Variants in PXDNL observed in about 807,000 individuals in gnomAD.
The protein encoded by PXDNL is probable oxidoreductase PXDNL.
A neutral mutation model predicts 150.8 loss-of-function variants in PXDNL; 145 were observed. The observed-to-expected ratio is 0.96, with a 90% CI of 0.84 to 1.10. The LOEUF is 1.10. Among genes scored for constraint, PXDNL ranks in the 50% least tolerant of loss-of-function variants. The pLI is 0.00. For synonymous variants in PXDNL, 757 were observed against 725.7 expected (o/e 1.04, Z -0.69); for missense variants, 2,087 against 1,873.9 (o/e 1.11, Z -2.10).
chr8:51,551,180 G>A (rs968478750), intron 4 of PXDNL, among the ~76,000 whole-genome samples: 2 of 152,170 alleles, frequency 1.3e-5, no homozygotes, highest in East Asian at 1.9e-4. Flanking sequence ...AATCATAGAT[G>A]ACACAAACAA....
chr8:51,408,130 A>T lies in PXDNL; in HGVS notation c.3494T>A (p.Val1165Asp). Residue 1165 changes from valine (V) to aspartate (D), a missense_variant, in exon 17 of 23, where the codon GTT becomes GAT. Val to Asp is a radical substitution (Grantham distance 152, BLOSUM62 -3). Transcript: ENST00000356297. ...ATTTTGAAGATCCTCAAAGTTCTTA[A>T]CTGAAGTCAAATTACAGAAAACTCT... Reference protein sequence around the residue: ...DFRVFCNLTSVKNFEDLQNEI... With the variant: ...DFRVFCNLTSDKNFEDLQNEI... 2 of 1,613,200 alleles carry T rather than the reference A, an allele frequency of 1.2e-6. No homozygotes were observed. Among genetic ancestry groups the T allele is most frequent in the Non-Finnish European group, 1.7e-6 (2 of 1,179,620 alleles).
At chr8:51,777,259 G>A (rs1563318295) in intron 1 of PXDNL, among the ~76,000 whole-genome samples, 1 of 152,138 alleles carries the variant, frequency 6.6e-6, no homozygotes. Context: ...CTCTAAGCCT[G>A]CTTCCACATC....
At chr8:51,746,289 C>T (rs1260619085) in intron 1 of PXDNL, among the ~76,000 whole-genome samples, 4 of 152,192 alleles carry the variant, frequency 2.6e-5, no homozygotes, top group African/African-American at 9.7e-5. Flanking sequence ...CAGGACTTCT[C>T]AATCTCTCCA....
chr8:51,725,945 C>T (rs539966529), intron 1 of PXDNL, among the ~76,000 whole-genome samples: 2 of 152,318 alleles, frequency 1.3e-5, no homozygotes, highest in South Asian at 4.1e-4. Flanking sequence ...ACATTGGCCT[C>T]TATGTTTTGG....
chr8:51,393,435 C>T, intron 17 of PXDNL, among the ~76,000 whole-genome samples: 1 of 152,192 alleles, frequency 6.6e-6, no homozygotes, highest in East Asian at 1.9e-4. Flanking sequence ...ACGTGTAACA[C>T]CATGGTCTGA....
intron 4 of PXDNL, among the ~76,000 whole-genome samples, chr8:51,518,110 T>C (rs964709734): frequency 1.1e-4 from 16 of 152,358 alleles, no homozygotes; most frequent in African/African-American, 3.8e-4. Context: ...GTTTTTATCA[T>C]AGACTTGTTT....
At chr8:51,759,471 T>C (rs867601694) in intron 1 of PXDNL, among the ~76,000 whole-genome samples, 2 of 152,120 alleles carry the variant, frequency 1.3e-5, no homozygotes, top group Admixed American at 6.5e-5. Context: ...ATGTCCCCGA[T>C]TTGAGTGTGA....
intron 3 of PXDNL, among the ~76,000 whole-genome samples, chr8:51,560,455 G>A (rs1160638717): frequency 1.3e-5 from 2 of 151,910 alleles, no homozygotes; most frequent in Non-Finnish European, 2.9e-5. Context: ...CATGGTACTG[G>A]CATAGAAACA....
chr8:51,625,193 C>A (rs73572362), intron 2 of PXDNL, among the ~76,000 whole-genome samples: 6,803 of 152,198 alleles, frequency 0.045, 512 homozygotes, highest in African/African-American at 0.15. Flanking sequence ...AGTCACCCAA[C>A]ATCTGCTCCC....
intron 1 of PXDNL, among the ~76,000 whole-genome samples, chr8:51,800,178 A>G (rs995982643): frequency 6.6e-6 from 1 of 152,054 alleles, no homozygotes; most frequent in Non-Finnish European, 1.5e-5. Flanking sequence ...AAACTTTCAA[A>G]TGGGCAATAT....
intron 1 of PXDNL, among the ~76,000 whole-genome samples, chr8:51,683,307 A>G (rs975777030): frequency 6.7e-6 from 1 of 149,494 alleles, no homozygotes; most frequent in Non-Finnish European, 1.5e-5. Flanking sequence ...TTTGATTTGC[A>G]TCTCCCTAAT....
At chr8:51,375,013 T>C (rs1048164304) in intron 17 of PXDNL, among the ~76,000 whole-genome samples, 1 of 152,060 alleles carries the variant, frequency 6.6e-6, no homozygotes, top group Non-Finnish European at 1.5e-5. Context: ...TCTAAACATA[T>C]GGAGTATAAC....
intron 17 of PXDNL, among the ~76,000 whole-genome samples, chr8:51,394,912 G>T (rs1010463234): frequency 6.6e-6 from 1 of 152,192 alleles, no homozygotes; most frequent in Non-Finnish European, 1.5e-5. Context: ...AAGACCCCAA[G>T]TGTAGATAGG....
At chr8:51,599,245 T>C (rs1156471620) in intron 2 of PXDNL, among the ~76,000 whole-genome samples, 1 of 152,054 alleles carries the variant, frequency 6.6e-6, no homozygotes, top group Non-Finnish European at 1.5e-5. Flanking sequence ...ATTTCTGCTT[T>C]GATTTTATTT....
At chr8:51,324,934 A>T (rs1395755790) in intron 21 of PXDNL, among the ~76,000 whole-genome samples, 1 of 152,114 alleles carries the variant, frequency 6.6e-6, no homozygotes, top group African/African-American at 2.4e-5. Flanking sequence ...TCTGTTGCCC[A>T]GGCTGGAGTG....
intron 5 of PXDNL, among the ~76,000 whole-genome samples, chr8:51,497,192 C>A (rs538067683): frequency 1.3e-5 from 2 of 152,184 alleles, no homozygotes; most frequent in African/African-American, 4.8e-5. Flanking sequence ...GGAAAGGATT[C>A]CCTATTTAAT....
At chr8:51,698,590 G>C (rs1010038839) in intron 1 of PXDNL, among the ~76,000 whole-genome samples, 1 of 152,114 alleles carries the variant, frequency 6.6e-6, no homozygotes, top group Admixed American at 6.5e-5. Context: ...AGTTGGAATC[G>C]ACTTCTTCCA....
intron 1 of PXDNL, among the ~76,000 whole-genome samples, chr8:51,746,029 G>A (rs1259642430): frequency 6.6e-6 from 1 of 152,124 alleles, no homozygotes; most frequent in Middle Eastern, 3.2e-3. Flanking sequence ...AAAGTGCTGG[G>A]ATTACAGGCG....
In PXDNL at chr8:51,371,910, C is replaced by T. The variant is rs369118716; in HGVS notation, c.3864G>A (p.Pro1288=). The change falls in exon 19 of 23, where the codon CCG becomes CCA. Residue 1288 remains proline, a synonymous_variant. Transcript: ENST00000356297. ...PQDYLNCSEI[P]KVDLRVWQDC... ...CTTGCCACACTCGCAGGTCCACCTT[C>T]GGGATCTCGCTGCAGTTCAGGTAAT... 5.9e-5 allele frequency: 96 copies of T among 1,613,978 alleles called. No homozygotes were observed. The highest frequency in any genetic ancestry group is 3.3e-4 in the East Asian group (15 of 44,888).
Sources: allele counts gnomAD v4.1 joint callset (sites outside exome capture counted in the v4.1 genomes callset), GRCh38; gene constraint gnomAD v4.1.1; transcripts MANE v1.5; gene names NCBI Gene and HGNC (gene_info 2026-07-23, HGNC 2026-07-21).